UGGT1: variants seen among roughly 807,000 people sequenced by gnomAD.
UGGT1 encodes UDP-glucose glycoprotein glucosyltransferase 1.
A neutral mutation model predicts 203.9 loss-of-function variants in UGGT1; 107 were observed. The observed-to-expected ratio is 0.52, with a 90% CI of 0.45 to 0.62. The LOEUF is 0.62. UGGT1 is among the 20% of genes least tolerant of loss of function. The pLI, the probability that UGGT1 is intolerant of heterozygous loss-of-function variation, is 0.00. For synonymous variants in UGGT1, 628 were observed against 653.5 expected, an observed-to-expected ratio of 0.96 and a Z score of 0.59; for missense variants, 1,673 against 1,867.2, an observed-to-expected ratio of 0.90 and a Z score of 1.92.
At chr2:128,108,352 A>G (rs544053098) in intron 4 of UGGT1, among the ~76,000 whole-genome samples, 3 of 152,348 alleles carry the variant, frequency 2.0e-5, no homozygotes, top group Non-Finnish European at 2.9e-5. Context: ...ATGAGCCAGC[A>G]TCTAATTACA....
At chr2:128,107,261 G>A (rs893443553) in intron 3 of UGGT1, among the ~76,000 whole-genome samples, 2 of 151,440 alleles carry the variant, frequency 1.3e-5, no homozygotes, top group African/African-American at 2.4e-5. Flanking sequence ...TTTATCCTGG[G>A]GATTTTTTCA....
intron 3 of UGGT1, among the ~76,000 whole-genome samples, chr2:128,104,933 C>A (rs1027099551): frequency 6.6e-6 from 1 of 152,262 alleles, no homozygotes; most frequent in East Asian, 1.9e-4. Flanking sequence ...AGGCATGAGC[C>A]ACTGTGCCTG....
chr2:128,157,456 T>TAA, intron 22 of UGGT1, 110 bp downstream of exon 22: 1 of 784,788 alleles, frequency 1.3e-6, no homozygotes, highest in South Asian at 1.7e-5. Flanking sequence ...CCTGCTTTCT[T>TAA]AATGCTCGAG....
rs558227251 is a variant in UGGT1, at chr2:128,151,590, A to G, written c.2017-1194A>G. On this transcript the variant is annotated intron_variant, in intron 18 of 40. Transcript: ENST00000259253. Reference sequence around the variant, plus strand: ...TGGAATTATTTAGACTTGAATGTGTATATTTGATTCACATCTTTTATCTTG... The same window carrying G: ...TGGAATTATTTAGACTTGAATGTGTGTATTTGATTCACATCTTTTATCTTG... 4.6e-5 allele frequency among the ~76,000 whole-genome samples: 7 copies of G among 152,330 alleles called. No homozygotes were observed. The South Asian group carries it at 1.4e-3, about 32-fold the overall frequency.
At chr2:128,092,605 C>CTTTTTTTTTTTTTTT (rs55814829) in intron 1 of UGGT1, among the ~76,000 whole-genome samples, 2 of 126,732 alleles carry the variant, frequency 1.6e-5, no homozygotes, top group African/African-American at 2.9e-5. Context: ...TTCTTTCTTT[C>CTTTTTTTTTTTTTTT]TTTTTTTTTT....
intron 8 of UGGT1, among the ~76,000 whole-genome samples, chr2:128,119,589 T>G (rs1011166829): frequency 6.6e-6 from 1 of 152,222 alleles, no homozygotes; most frequent in Non-Finnish European, 1.5e-5. Flanking sequence ...ACCCAGTAAC[T>G]ATGGTTAGCC....
intron 34 of UGGT1, 89 bp downstream of exon 34, chr2:128,178,658 C>T (rs1458879764): frequency 2.0e-5 from 22 of 1,109,050 alleles, no homozygotes; most frequent in Non-Finnish European, 2.7e-5. Context: ...GGATTCTGCT[C>T]ATTATACTCC....
At chr2:128,138,398 G>C (rs572346189) in intron 15 of UGGT1, among the ~76,000 whole-genome samples, 3 of 151,868 alleles carry the variant, frequency 2.0e-5, no homozygotes, top group African/African-American at 7.3e-5. Flanking sequence ...GCGTATAATC[G>C]CAGCTACTTG....
At chr2:128,152,753 C>A in intron 18 of UGGT1, 31 bp from the exon 19 acceptor site, 1 of 1,573,002 alleles carries the variant, frequency 6.4e-7, no homozygotes. Context: ...GCTTTACCCT[C>A]CCCCCTCAAC....
intron 3 of UGGT1, among the ~76,000 whole-genome samples, chr2:128,105,862 G>C (rs1687583978): frequency 7.5e-6 from 1 of 133,078 alleles, no homozygotes; most frequent in Non-Finnish European, 1.6e-5. Context: ...CTGGAGTGCA[G>C]TGGTGTAGTT....
intron 26 of UGGT1, among the ~76,000 whole-genome samples, chr2:128,168,812 C>A (rs1369365497): frequency 1.3e-5 from 2 of 151,970 alleles, no homozygotes; most frequent in Non-Finnish European, 2.9e-5. Context: ...TTTGGGAGGC[C>A]AAGGCAGGCA....
intron 18 of UGGT1, 144 bp from the exon 19 acceptor site, chr2:128,152,640 C>A: frequency 8.9e-7 from 1 of 1,129,832 alleles, no homozygotes; most frequent in Non-Finnish European, 1.2e-6. Context: ...TGACAGGGAC[C>A]AATAACATAG....
At chr2:128,176,608 C>CA (rs1442814511) in intron 31 of UGGT1, among the ~76,000 whole-genome samples, 1 of 152,060 alleles carries the variant, frequency 6.6e-6, no homozygotes, top group African/African-American at 2.4e-5. Flanking sequence ...CAAGAGGACT[C>CA]ACAAAGGAGG....
Position 128,159,777 on chromosome 2 carries a change from C to T in UGGT1, c.2562+57C>T. ...CATTTTGTCTGCCACGGAAGCTCAC[C>T]CACTGCAGCTTACGTGTCCGGTTCA... On this transcript the variant is annotated intron_variant, in intron 23 of 40. Coordinates refer to ENST00000259253, the MANE Select transcript of UGGT1 (RefSeq NM_020120.4). 1.9e-6 allele frequency: 3 copies of T among 1,538,830 alleles called. No individual in the cohort carries two copies. In the South Asian group the frequency reaches 3.4e-5, roughly 18 times the overall value.
chr2:128,166,180 AGTT>A (rs892124013), intron 26 of UGGT1, among the ~76,000 whole-genome samples: 6 of 152,154 alleles, frequency 3.9e-5, no homozygotes, highest in African/African-American at 1.2e-4. Context: ...TAGATTCACC[AGTT>A]GTTGGTGTGT....
Position 128,120,359 on chromosome 2 carries a change from T to A in UGGT1, c.876T>A (p.Asp292Glu), listed in dbSNP as rs762053199. ...CTGATTTTTATGTTTCTTTTAGAGA[T>A]CTGCACCCCGACCTGGAGGGACAGT... ...VQGFLFGKLR[D>E]LHPDLEGQLK... Residue 292 changes from aspartate to glutamate, a missense_variant, in exon 9 of 41, where the codon GAT becomes GAA. Transcript: ENST00000259253. 4 of 1,613,184 alleles carry A rather than the reference T, an allele frequency of 2.5e-6. No individual in the cohort carries two copies. Among genetic ancestry groups the A allele is most frequent in the Non-Finnish European group, 3.4e-6 (4 of 1,179,802 alleles).
At chr2:128,092,909 C>T (rs529291057) in intron 1 of UGGT1, among the ~76,000 whole-genome samples, 5 of 152,254 alleles carry the variant, frequency 3.3e-5, no homozygotes, top group African/African-American at 1.2e-4. Context: ...CATGCAAAGC[C>T]ACATGGCACA....
In UGGT1 at chr2:128,123,226, G is replaced by T. The variant is rs766018217; in HGVS notation, c.1114G>T (p.Glu372Ter). ...KTAVSSELRT[E>*]VEENQKYFKG... Reference sequence around the variant, plus strand: ...AGCTGTGAGCTCAGAACTTAGAACCGAAGTGGAAGAGAATCAGAAGGTATT... The same window carrying T: ...AGCTGTGAGCTCAGAACTTAGAACCTAAGTGGAAGAGAATCAGAAGGTATT... The change falls in exon 11 of 41, where the codon GAA becomes TAA. Residue 372 changes from glutamate to a stop codon, truncating the protein, a stop_gained. Transcript: ENST00000259253. LOFTEE classifies it high-confidence loss of function. 6.2e-7 allele frequency: 1 copy of T among 1,613,262 alleles called. No individual in the cohort carries two copies. The highest frequency in any genetic ancestry group is 1.3e-5 in the African/African-American group (1 of 74,890).
rs1412183520 is a variant in UGGT1 at position 128,110,699 on chromosome 2, CCTTCAGA to C, written c.521+957_521+963del. 2.0e-5 allele frequency among the ~76,000 whole-genome samples: 3 copies of C among 152,180 alleles called. No individual in the cohort carries two copies. In the East Asian group the frequency reaches 5.8e-4, roughly 29 times the overall value. ...TGCTTTTAATGGTTTGGCATATATA[CCTTCAGA>C]CTTTTTTCTATGGTTTTAAATTTAT... On this transcript the variant is annotated intron_variant, in intron 5 of 40. Transcript: ENST00000259253.
Sources: allele counts gnomAD v4.1 joint callset (sites outside exome capture counted in the v4.1 genomes callset), GRCh38; gene constraint gnomAD v4.1.1; transcripts MANE v1.5; gene names NCBI Gene and HGNC (gene_info 2026-07-23, HGNC 2026-07-21).